Variants in CUBN observed in about 807,000 individuals in gnomAD.
CUBN encodes the protein 460 kDa receptor.
A neutral mutation model predicts 405.3 loss-of-function variants in CUBN; 282 were observed. The ratio of observed to expected loss-of-function variants is 0.70; its 90% CI spans 0.63 to 0.77. CUBN has a LOEUF of 0.77. CUBN is among the 30% of genes least tolerant of loss of function. CUBN has a pLI of 0.00. For missense variants in CUBN, 4,514 were observed against 4,475.2 expected, an observed-to-expected ratio of 1.01 and a Z score of -0.25; for synonymous variants, 1,684 against 1,617.0, an observed-to-expected ratio of 1.04 and a Z score of -0.99.
intron 31 of CUBN, among the ~76,000 whole-genome samples, chr10:16,964,698 A>C (rs1843338513): frequency 6.6e-6 from 1 of 152,216 alleles, no homozygotes; most frequent in Admixed American, 6.5e-5. Context: ...ATGAAAGGGC[A>C]CTATTCATAT....
intron 60 of CUBN, among the ~76,000 whole-genome samples, chr10:16,844,587 A>G (rs1485046550): frequency 2.0e-5 from 3 of 152,228 alleles, no homozygotes; most frequent in Admixed American, 6.5e-5. Context: ...GCTGGATGGA[A>G]GGAAATGACA....
At position 16,874,380 on chromosome 10, in the gene CUBN, T is replaced by C. The variant is rs1484159496; in HGVS notation, c.9230A>G (p.Glu3077Gly). ...TITVSDDKVIELKFSDFDVVP... is the reference protein window; with the variant it reads ...TITVSDDKVIGLKFSDFDVVP... ...GCCAATTTGTCTTACGTACTTGAGC[T>C]CGATCACCTTGTCGTCACTAACGGT... Residue 3077 changes from glutamate (E) to glycine (G), a missense_variant, in exon 58 of 67, where the codon GAG becomes GGG. This residue lies in a region of CUBN where 1,186 missense variants were observed against 1,186.9 expected (regional missense o/e 1.00). Coordinates refer to ENST00000377833, the MANE Select transcript of CUBN (RefSeq NM_001081.4). 1.9e-6 allele frequency: 3 copies of C among 1,614,150 alleles called. No homozygotes were observed. Among genetic ancestry groups the C allele is most frequent in the Non-Finnish European group, 2.5e-6 (3 of 1,179,998 alleles).
chr10:16,867,485 G>C (rs1840220842), intron 59 of CUBN, among the ~76,000 whole-genome samples: 1 of 152,170 alleles, frequency 6.6e-6, no homozygotes. Flanking sequence ...AGCTTTGTAA[G>C]ACCACTGCAA....
Position 17,110,645 on chromosome 10 carries a change from A to G in CUBN, c.1015+274T>C, listed in dbSNP as rs1022108743. On this transcript the variant is annotated intron_variant, in intron 9 of 66. Coordinates refer to ENST00000377833, the MANE Select transcript of CUBN (RefSeq NM_001081.4). Reference sequence around the variant, plus strand: ...CAGGTTCAAGCGATTCTCGTGCCTCAGCCTCCCGAGTAGCTAGGATTACAA... The same window carrying G: ...CAGGTTCAAGCGATTCTCGTGCCTCGGCCTCCCGAGTAGCTAGGATTACAA... Among the ~76,000 whole-genome samples, 3 of 152,210 alleles carry G rather than the reference A, an allele frequency of 2.0e-5. No individual in the cohort carries two copies. The East Asian group carries it at 5.8e-4, about 29-fold the overall frequency.
intron 31 of CUBN, among the ~76,000 whole-genome samples, chr10:16,978,336 C>G (rs1462381761): frequency 6.6e-6 from 1 of 152,236 alleles, no homozygotes; most frequent in Non-Finnish European, 1.5e-5. Flanking sequence ...AAACTTCACA[C>G]TACCTCATGA....
chr10:16,888,315 G>T, intron 56 of CUBN, 102 bp downstream of exon 56: 2 of 908,728 alleles, frequency 2.2e-6, no homozygotes, highest in Non-Finnish European at 3.5e-6. Context: ...ACTGGATTTA[G>T]CCACTCTACA....
intron 22 of CUBN, among the ~76,000 whole-genome samples, chr10:17,055,363 A>G (rs2131831239): frequency 1.3e-5 from 2 of 152,230 alleles, no homozygotes; most frequent in South Asian, 4.2e-4. Flanking sequence ...GAAAAAGGCC[A>G]ACATTCCAAC....
At position 16,869,718 on chromosome 10, in the gene CUBN, G is replaced by T; in HGVS notation, c.9372C>A (p.Ser3124Arg). 3 of 1,614,040 alleles carry T rather than the reference G, an allele frequency of 1.9e-6. No individual in the cohort carries two copies. The highest frequency in any genetic ancestry group is 2.5e-6 in the Non-Finnish European group (3 of 1,179,938). Residue 3124 changes from serine (S) to arginine (R), a missense_variant, in exon 59 of 67, where the codon AGC becomes AGA. This residue lies in a region of CUBN where 1,186 missense variants were observed against 1,186.9 expected (regional missense o/e 1.00). Transcript: ENST00000377833. ...TGAACACCAGGAGCATACTATTATT[G>T]CTGCTCTTCACATTTGGTGGGCGCT... The part of the protein sequence containing the change: ...GSKRPPNVKS[S>R]NNSMLLVFKT...
chr10:16,979,467 C>G (rs1833200976), intron 31 of CUBN, among the ~76,000 whole-genome samples: 1 of 152,154 alleles, frequency 6.6e-6, no homozygotes, highest in Admixed American at 6.5e-5. Context: ...GTAACCAAAA[C>G]AGCATGGTAC....
intron 28 of CUBN, among the ~76,000 whole-genome samples, chr10:17,014,956 C>A (rs1340305852): frequency 1.3e-5 from 2 of 152,162 alleles, no homozygotes; most frequent in Non-Finnish European, 2.9e-5. Flanking sequence ...ACCAATCTGC[C>A]TCCCTTGGCA....
At chr10:16,888,044 G>C (rs1840872940) in intron 56 of CUBN, among the ~76,000 whole-genome samples, 1 of 152,336 alleles carries the variant, frequency 6.6e-6, no homozygotes, top group East Asian at 1.9e-4. Context: ...TAGAAGCAGA[G>C]AGTAGAATGG....
intron 46 of CUBN, among the ~76,000 whole-genome samples, chr10:16,915,402 A>G (rs376619949): frequency 5.3e-5 from 8 of 152,374 alleles, no homozygotes; most frequent in African/African-American, 1.4e-4. Flanking sequence ...TCTCAGCACA[A>G]TGAGGAAGGC....
chr10:17,112,657 GT>G (rs1035178974), intron 8 of CUBN, among the ~76,000 whole-genome samples: 12 of 149,022 alleles, frequency 8.1e-5, no homozygotes, highest in South Asian at 2.1e-4. Context: ...GTCTTTATAG[GT>G]TTTTTTTTTC....
intron 41 of CUBN, among the ~76,000 whole-genome samples, chr10:16,927,522 C>A (rs547101236): frequency 1.3e-5 from 2 of 152,306 alleles, no homozygotes; most frequent in East Asian, 3.9e-4. Context: ...TGAGAATCTA[C>A]TTTAAAATTA....
At position 17,095,637 on chromosome 10, in the gene CUBN, C is replaced by A. The variant is rs141574398; in HGVS notation, c.1765+4368G>T. Among the ~76,000 whole-genome samples, 6 of 151,924 alleles carry A rather than the reference C, an allele frequency of 3.9e-5. No individual in the cohort carries two copies. The South Asian group carries it at 8.3e-4, about 21-fold the overall frequency. On this transcript the variant is annotated intron_variant, in intron 14 of 66. Transcript: ENST00000377833. The stretch of plus-strand genomic sequence containing the variant: ...TGATGAGATGTGGAGAAAAGGGAAC[C>A]CTTGTTGAAAGTATACTGGTACAGC...
Position 16,824,505 on chromosome 10 carries a change from A to G in CUBN, c.*470T>C, listed in dbSNP as rs886046855. 5.3e-5 allele frequency: 9 copies of G among 169,388 alleles called. No homozygotes were observed. Among genetic ancestry groups the G allele is most frequent in the Non-Finnish European group, 1.2e-4 (9 of 77,240 alleles). The allele number at this position is 169,388 out of a possible 1,614,324, so 10.5% of individuals were successfully genotyped here. ...TCTATGTTCGAGAAAATGTACAAAT[A>G]TTGATTCTGGTTTTTTTTGTTTCTT... On this transcript the variant is annotated 3_prime_UTR_variant, in exon 67 of 67. Coordinates refer to ENST00000377833, the MANE Select transcript of CUBN (RefSeq NM_001081.4).
At chr10:16,950,606 AG>A (rs1346477762) in intron 33 of CUBN, among the ~76,000 whole-genome samples, 1 of 152,242 alleles carries the variant, frequency 6.6e-6, no homozygotes, top group Non-Finnish European at 1.5e-5. Flanking sequence ...AAGCAAGGGA[AG>A]GGGACAACTT....
Position 16,908,072 on chromosome 10 carries a change from G to A in CUBN, c.7534-393C>T, listed in dbSNP as rs763428304. 7.9e-5 allele frequency among the ~76,000 whole-genome samples: 12 copies of A among 152,174 alleles called. No homozygotes were observed. The South Asian group carries it at 8.3e-4, about 11-fold the overall frequency. ...ATCAGGACATTTGTTACTTGGAAGG[G>A]AAGCTTAAATATCAGTTTCTGATGA... On this transcript the variant is annotated intron_variant, in intron 48 of 66. Coordinates refer to ENST00000377833, the MANE Select transcript of CUBN (RefSeq NM_001081.4).
In CUBN at chr10:16,925,798, G is replaced by A. The variant is rs780447392; in HGVS notation, c.6272-24C>T. 54 of 1,610,124 alleles carry A rather than the reference G, an allele frequency of 3.4e-5. 1 individual carries two copies. The South Asian group carries it at 3.8e-4, about 11-fold the overall frequency. On this transcript the variant is annotated intron_variant, in intron 41 of 66. Coordinates refer to ENST00000377833, the MANE Select transcript of CUBN (RefSeq NM_001081.4). ...GCCTTCCCACAAAGAAACAAAGGTC[G>A]GTTATTTAAATAGCATTGGCAACTG... is the stretch of plus-strand genomic sequence containing the variant.
Sources: allele counts gnomAD v4.1 joint callset (sites outside exome capture counted in the v4.1 genomes callset), GRCh38; gene constraint gnomAD v4.1.1; regional missense constraint gnomAD v4.1.1; transcripts MANE v1.5; gene names NCBI Gene and HGNC (gene_info 2026-07-23, HGNC 2026-07-21).